The following PTPRN2 variants were observed in gnomAD, a reference collection of about 807,000 sequenced individuals.
PTPRN2 encodes protein tyrosine phosphatase receptor type N2.
A neutral mutation model predicts 118.8 loss-of-function variants in PTPRN2; 74 were observed. That is an observed-to-expected ratio of 0.62 (90% CI 0.52 to 0.76). The LOEUF (loss-of-function observed/expected upper bound fraction) is 0.76, where lower values mean the gene tolerates loss of function less well. PTPRN2 is among the 30% of genes least tolerant of loss of function. The probability of loss-of-function intolerance (pLI) is 0.00; values close to 1 mark genes in which losing one functional copy is unlikely to be tolerated. For missense variants in PTPRN2, 1,481 were observed against 1,394.4 expected, an observed-to-expected ratio of 1.06 and a Z score of -0.99; for synonymous variants, 641 against 608.0, an observed-to-expected ratio of 1.05 and a Z score of -0.80.
At chr7:157,815,105 G>A (rs1215685420) in intron 12 of PTPRN2, among the ~76,000 whole-genome samples, 1 of 152,246 alleles carries the variant, frequency 6.6e-6, no homozygotes, top group Non-Finnish European at 1.5e-5. Flanking sequence ...CGTGGAAGCA[G>A]GCTCCGGCTG....
chr7:157,548,803 C>T, intron 22 of PTPRN2, 143 bp downstream of exon 22: 2 of 821,454 alleles, frequency 2.4e-6, no homozygotes, highest in Non-Finnish European at 3.9e-6. Flanking sequence ...CCATGCAAGG[C>T]CGGCATGGAC....
At chr7:158,265,232 T>C (rs1459305621) in intron 3 of PTPRN2, among the ~76,000 whole-genome samples, 1 of 151,922 alleles carries the variant, frequency 6.6e-6, no homozygotes, top group Non-Finnish European at 1.5e-5. Context: ...TCCACTATGC[T>C]CCTGGTGCTG....
At position 158,436,798 on chromosome 7, in the gene PTPRN2, A is replaced by G. The variant is rs374666754; in HGVS notation, c.163+52937T>C. 6.9e-4 allele frequency among the ~76,000 whole-genome samples: 105 copies of G among 152,018 alleles called. 1 individual carries two copies. In the South Asian group the frequency reaches 0.018, roughly 26 times the overall value. On this transcript the variant is annotated intron_variant, in intron 2 of 22. Coordinates refer to ENST00000389418, the MANE Select transcript of PTPRN2 (RefSeq NM_002847.5). ...CATCAATAGAGATTAATTTCCTATG[A>G]TTTTTCTCTGCTTGCTTTCCAGATT...
intron 3 of PTPRN2, among the ~76,000 whole-genome samples, chr7:158,293,817 C>T (rs1296760036): frequency 6.6e-6 from 1 of 151,638 alleles, no homozygotes; most frequent in Non-Finnish European, 1.5e-5. Context: ...AGGGCAGGCT[C>T]ATCAATATCA....
rs542631611 is a variant in PTPRN2 at position 157,674,693 on chromosome 7, C to T, written c.2001+8032G>A. ...GAGAAGAAGGTCTGCTTTACAGCAA[C>T]GGCCTGAGGACCCTCGGCCCCAAGG... On this transcript the variant is annotated intron_variant, in intron 13 of 22. Coordinates refer to ENST00000389418, the MANE Select transcript of PTPRN2 (RefSeq NM_002847.5). The surrounding 1 kb of genome is among the most constrained non-coding windows in gnomAD (Gnocchi z 4.5). 3.9e-5 allele frequency among the ~76,000 whole-genome samples: 6 copies of T among 152,322 alleles called. No individual in the cohort carries two copies. The highest frequency in any genetic ancestry group is 4.1e-4 in the South Asian group (2 of 4,826).
chr7:157,918,435 C>T (rs181445908), intron 11 of PTPRN2, among the ~76,000 whole-genome samples: 2 of 152,286 alleles, frequency 1.3e-5, no homozygotes, highest in Non-Finnish European at 2.9e-5. Context: ...AGCTGGAAGG[C>T]GTGGGCCGGT....
At position 158,525,815 on chromosome 7, in the gene PTPRN2, A is replaced by G. The variant is rs1824733608; in HGVS notation, c.113-36030T>C. Reference sequence around the variant, plus strand: ...CCACCTCTCTCTGCTGTGCTCACACAGTGTGGAAGCTCCCGCTTCAGCAAG... The same window carrying G: ...CCACCTCTCTCTGCTGTGCTCACACGGTGTGGAAGCTCCCGCTTCAGCAAG... On this transcript the variant is annotated intron_variant, in intron 1 of 22. Coordinates refer to ENST00000389418, the MANE Select transcript of PTPRN2 (RefSeq NM_002847.5). This position sits in a 1 kb window ranked among gnomAD's most constrained non-coding sequence, Gnocchi z 4.1. Among the ~76,000 whole-genome samples, 2 of 152,120 alleles carry G rather than the reference A, an allele frequency of 1.3e-5. No individual in the cohort carries two copies. The highest frequency in any genetic ancestry group is 4.8e-5 in the African/African-American group (2 of 41,434).
intron 15 of PTPRN2, among the ~76,000 whole-genome samples, chr7:157,613,568 G>A (rs1802532756): frequency 6.6e-6 from 1 of 152,236 alleles, no homozygotes; most frequent in Admixed American, 6.5e-5. Flanking sequence ...TCCTCGCTGA[G>A]CCGCAGGGCG....
intron 2 of PTPRN2, among the ~76,000 whole-genome samples, chr7:158,467,467 A>G (rs1819477489): frequency 6.6e-6 from 1 of 151,688 alleles, no homozygotes; most frequent in African/African-American, 2.4e-5. Context: ...ATATAGTCCC[A>G]CTCATTTATT....
chr7:158,340,094 C>T (rs1294815482), intron 2 of PTPRN2, among the ~76,000 whole-genome samples: 84 of 70,824 alleles, frequency 1.2e-3, no homozygotes, highest in African/African-American at 3.8e-3. Context: ...GCAGACGTCA[C>T]TCACACCCAC....
chr7:157,913,499 T>C (rs1585006521), intron 11 of PTPRN2, among the ~76,000 whole-genome samples: 1 of 152,364 alleles, frequency 6.6e-6, no homozygotes, highest in East Asian at 1.9e-4. Context: ...AGAGAATATT[T>C]CCAGTGTTTT....
At chr7:157,882,016 T>C (rs4645466) in intron 12 of PTPRN2, among the ~76,000 whole-genome samples, 133,659 of 151,712 alleles carry the variant, frequency 0.88, 59,084 homozygotes, top group East Asian at 1. Context: ...CAGAACATGC[T>C]GCCCCAAAAA....
rs1797959989 is a variant in PTPRN2 at position 157,540,401 on chromosome 7, G to A, written c.*313C>T. ...CCTGGAAACCGCCTCGAACGTGCTG[G>A]CTACTGCATTGTTAACACAACTTCA... On this transcript the variant is annotated 3_prime_UTR_variant, in exon 23 of 23. Coordinates refer to ENST00000389418, the MANE Select transcript of PTPRN2 (RefSeq NM_002847.5). The A allele has an allele frequency of 4.2e-6, 1 of 236,652 alleles. No homozygotes were observed. The highest frequency in any genetic ancestry group is 5.4e-5 in the Admixed American group (1 of 18,428). The allele number at this position is 236,652 out of a possible 1,614,324, so 14.7% of individuals were successfully genotyped here.
At chr7:157,697,307 C>T (rs367660597) in intron 12 of PTPRN2, among the ~76,000 whole-genome samples, 18 of 131,642 alleles carry the variant, frequency 1.4e-4, no homozygotes, top group East Asian at 4.8e-4. Flanking sequence ...TGGGTCTTGG[C>T]AGAGCCCTCA....
chr7:158,477,740 A>G (rs1820366448), intron 2 of PTPRN2, among the ~76,000 whole-genome samples: 1 of 152,204 alleles, frequency 6.6e-6, no homozygotes, highest in Non-Finnish European at 1.5e-5. Context: ...ATCCATGTCT[A>G]TTTCCAAGGC....
At chr7:158,414,930 A>T (rs1277165109) in intron 2 of PTPRN2, among the ~76,000 whole-genome samples, 1 of 152,214 alleles carries the variant, frequency 6.6e-6, no homozygotes, top group African/African-American at 2.4e-5. Flanking sequence ...CCTGCAAGGA[A>T]AACAGGAGCT....
intron 9 of PTPRN2, among the ~76,000 whole-genome samples, chr7:158,118,436 T>G (rs911924848): frequency 1.3e-5 from 2 of 152,214 alleles, no homozygotes; most frequent in Non-Finnish European, 2.9e-5. Context: ...GGCATTTAAT[T>G]TTTAAAAATC....
At chr7:157,875,680 C>T (rs1795716036) in intron 12 of PTPRN2, among the ~76,000 whole-genome samples, 1 of 152,194 alleles carries the variant, frequency 6.6e-6, no homozygotes, top group African/African-American at 2.4e-5. Context: ...AGCAGCAGCA[C>T]CTTGGGCCTC....
chr7:158,433,463 C>A (rs1279317960), intron 2 of PTPRN2, among the ~76,000 whole-genome samples: 5 of 152,088 alleles, frequency 3.3e-5, no homozygotes, highest in Admixed American at 2.6e-4. Flanking sequence ...TATTTGATCA[C>A]AGGGTAAAAA....
Sources: gnomAD v4.1 joint callset for allele counts (sites outside exome capture counted in the v4.1 genomes callset) on GRCh38, gnomAD v4.1.1 for gene constraint, Gnocchi (gnomAD v3.1) non-coding constraint, MANE v1.5 for transcripts, NCBI Gene and HGNC (gene_info 2026-07-23, HGNC 2026-07-21) for gene names.